Variants in TAFA4 observed in about 807,000 individuals in gnomAD.
TAFA4 encodes the protein chemokine-like protein TAFA-4.
In TAFA4, 20 loss-of-function variants were observed where a neutral mutation model predicts 21.1. The ratio of observed to expected loss-of-function variants is 0.95; its 90% confidence interval spans 0.67 to 1.38. The LOEUF (loss-of-function observed/expected upper bound fraction) is 1.38. Among genes scored for constraint, TAFA4 ranks in the 40% most tolerant of loss-of-function variants. TAFA4 has a pLI of 0.00. For missense variants in TAFA4, 211 were observed against 180.9 expected (o/e 1.17, Z -0.95); for synonymous variants, 71 against 67.4 (o/e 1.05, Z -0.26).
At chr3:68,815,809 AC>A (rs756918716) in intron 3 of TAFA4, among the ~76,000 whole-genome samples, 197 of 152,338 alleles carry the variant, frequency 1.3e-3, no homozygotes, top group Non-Finnish European at 2.5e-3. Context: ...CAATCCCATT[AC>A]TGGGTATATA....
intron 1 of TAFA4, among the ~76,000 whole-genome samples, chr3:68,894,534 T>C (rs1575661716): frequency 6.6e-6 from 1 of 152,300 alleles, no homozygotes; most frequent in African/African-American, 2.4e-5. Flanking sequence ...CCAGCCTGTG[T>C]GTACTGAAAG....
chr3:68,808,300 G>C (rs1362042292), intron 3 of TAFA4, among the ~76,000 whole-genome samples: 1 of 152,088 alleles, frequency 6.6e-6, no homozygotes, highest in African/African-American at 2.4e-5. Context: ...CGTCCCACCT[G>C]AGTCCAGCAA....
chr3:68,801,985 A>C (rs1703588645), intron 3 of TAFA4, among the ~76,000 whole-genome samples: 1 of 152,170 alleles, frequency 6.6e-6, no homozygotes, highest in Non-Finnish European at 1.5e-5. Context: ...GTGGTACAAG[A>C]TGCAAGCCAG....
intron 1 of TAFA4, among the ~76,000 whole-genome samples, chr3:68,890,033 T>C (rs960805839): frequency 6.6e-6 from 1 of 152,240 alleles, no homozygotes; most frequent in African/African-American, 2.4e-5. Flanking sequence ...TTCCTCATTT[T>C]GATCCTCATA....
intron 3 of TAFA4, among the ~76,000 whole-genome samples, chr3:68,786,993 G>T (rs951497079): frequency 6.6e-6 from 1 of 152,114 alleles, no homozygotes; most frequent in African/African-American, 2.4e-5. Context: ...AATATACAAA[G>T]CTCATGCAGA....
chr3:68,844,099 C>A (rs1280741034), intron 3 of TAFA4, among the ~76,000 whole-genome samples: 1 of 152,140 alleles, frequency 6.6e-6, no homozygotes, highest in Non-Finnish European at 1.5e-5. Flanking sequence ...ATGGTATCAG[C>A]TCCTCTTTGT....
At chr3:68,900,277 TAATAAC>T (rs1241504941) in intron 1 of TAFA4, among the ~76,000 whole-genome samples, 302 of 25,350 alleles carry the variant, frequency 0.012, no homozygotes, top group Non-Finnish European at 0.015. Flanking sequence ...ATAATAATAA[TAATAAC>T]AATAATAATA....
chr3:68,766,970 G>T (rs1702866061), intron 3 of TAFA4, among the ~76,000 whole-genome samples: 1 of 152,140 alleles, frequency 6.6e-6, no homozygotes, highest in Admixed American at 6.5e-5. Context: ...GTCTGAAAAA[G>T]ATTTCCACAC....
At chr3:68,814,945 G>A (rs1044015891) in intron 3 of TAFA4, among the ~76,000 whole-genome samples, 6 of 152,118 alleles carry the variant, frequency 3.9e-5, no homozygotes, top group African/African-American at 1.2e-4. Context: ...AAAACAGCAT[G>A]GTGCAGGTAC....
intron 4 of TAFA4, among the ~76,000 whole-genome samples, chr3:68,740,563 G>C (rs560369594): frequency 3.3e-5 from 5 of 152,120 alleles, no homozygotes; most frequent in Non-Finnish European, 1.5e-5. Context: ...CACTTGAGCA[G>C]GTAGGTTTCT....
intron 3 of TAFA4, among the ~76,000 whole-genome samples, chr3:68,873,379 CT>C (rs1339434993): frequency 1.4e-5 from 2 of 143,570 alleles, no homozygotes; most frequent in East Asian, 3.1e-4. Flanking sequence ...CACACACACC[CT>C]GGGCCAGAAA....
intron 3 of TAFA4, among the ~76,000 whole-genome samples, chr3:68,826,572 C>CAAA (rs34471537): frequency 2.1e-4 from 21 of 101,722 alleles, no homozygotes; most frequent in African/African-American, 7.6e-4. Context: ...GACTCTGCCT[C>CAAA]AAAAAAAAAA....
intron 3 of TAFA4, among the ~76,000 whole-genome samples, chr3:68,789,403 A>T (rs566767205): frequency 6.6e-6 from 1 of 152,270 alleles, no homozygotes; most frequent in Admixed American, 6.5e-5. Context: ...AAGAGAGTAG[A>T]TCTTAAATAT....
At chr3:68,874,457 A>G (rs553291469) in intron 3 of TAFA4, among the ~76,000 whole-genome samples, 2 of 152,250 alleles carry the variant, frequency 1.3e-5, no homozygotes, top group East Asian at 3.9e-4. Flanking sequence ...TTTTCCTTAT[A>G]GGGAACAAAT....
At chr3:68,765,991 T>C (rs564983368) in intron 3 of TAFA4, among the ~76,000 whole-genome samples, 40 of 152,066 alleles carry the variant, frequency 2.6e-4, no homozygotes, top group Admixed American at 1.4e-3. Context: ...CATGCTTCCA[T>C]AAAAAAGGTA....
intron 3 of TAFA4, among the ~76,000 whole-genome samples, chr3:68,776,679 G>T (rs1424939102): frequency 6.6e-6 from 1 of 152,146 alleles, no homozygotes; most frequent in East Asian, 1.9e-4. Flanking sequence ...TTATGGAAGA[G>T]TACAACCGAC....
At chr3:68,833,991 A>G (rs145674111) in intron 3 of TAFA4, among the ~76,000 whole-genome samples, 1 of 152,352 alleles carries the variant, frequency 6.6e-6, no homozygotes, top group East Asian at 1.9e-4. Flanking sequence ...GGAGAGGCAG[A>G]CACATATTCC....
At chr3:68,915,792 T>A (rs1011882516) in intron 1 of TAFA4, among the ~76,000 whole-genome samples, 2 of 152,218 alleles carry the variant, frequency 1.3e-5, no homozygotes, top group Non-Finnish European at 2.9e-5. Context: ...TCACTGAATA[T>A]GAAATCCATA....
chr3:68,917,795 T>A (rs2090019336), intron 1 of TAFA4, among the ~76,000 whole-genome samples: 1 of 143,014 alleles, frequency 7.0e-6, no homozygotes, highest in Admixed American at 6.9e-5. Context: ...GGAACAATGG[T>A]ATTTACCTAG....
Sources: gnomAD v4.1 joint callset for allele counts (sites outside exome capture counted in the v4.1 genomes callset) on GRCh38, gnomAD v4.1.1 for gene constraint, MANE v1.5 for transcripts, NCBI Gene and HGNC (gene_info 2026-07-23, HGNC 2026-07-21) for gene names.